Variants in PLPP3 observed in about 807,000 individuals in gnomAD.
PLPP3 encodes PAP2 beta.
A neutral mutation model predicts 29.6 loss-of-function variants in PLPP3; 6 were observed. The observed-to-expected ratio is 0.20, with a 90% CI of 0.11 to 0.40. The LOEUF is 0.40. Ranked by LOEUF, PLPP3 falls within the 10% of genes least tolerant of loss-of-function variation. PLPP3 has a pLI of 1.00. For missense variants in PLPP3, 308 were observed against 407.7 expected, an observed-to-expected ratio of 0.76 and a Z score of 2.11; for synonymous variants, 152 against 159.7, an observed-to-expected ratio of 0.95 and a Z score of 0.36.
At chr1:56,507,552 C>G (rs955987257) in intron 5 of PLPP3, among the ~76,000 whole-genome samples, 1 of 152,050 alleles carries the variant, frequency 6.6e-6, no homozygotes, top group Non-Finnish European at 1.5e-5. Flanking sequence ...AGGCCTAAAG[C>G]CATGGTAGGA....
intron 1 of PLPP3, among the ~76,000 whole-genome samples, chr1:56,571,895 G>GGTCTGCATCCAGGGGTAATTTTCCA (rs1646200866): frequency 6.6e-6 from 1 of 152,068 alleles, no homozygotes; most frequent in Non-Finnish European, 1.5e-5. Context: ...CTGAGCTACA[G>GGTCTGCATCCAGGGGTAATTTTCCA]TTCCCTCTTC....
intron 1 of PLPP3, among the ~76,000 whole-genome samples, chr1:56,539,714 T>C (rs539017040): frequency 6.6e-6 from 1 of 152,276 alleles, no homozygotes; most frequent in South Asian, 2.1e-4. Context: ...AAATGATCTT[T>C]AGGGGTTAGG....
At chr1:56,573,325 T>G (rs1394497263) in intron 1 of PLPP3, among the ~76,000 whole-genome samples, 2 of 152,140 alleles carry the variant, frequency 1.3e-5, no homozygotes, top group African/African-American at 4.8e-5. Flanking sequence ...TAATTTTCCA[T>G]TCGGAAGAAT....
At chr1:56,559,186 G>A (rs964549892) in intron 1 of PLPP3, among the ~76,000 whole-genome samples, 6 of 152,202 alleles carry the variant, frequency 3.9e-5, no homozygotes, top group African/African-American at 1.4e-4. Flanking sequence ...AGAAGAAGGA[G>A]CGGGTGCGTT....
At chr1:56,536,840 C>G in intron 2 of PLPP3, 115 bp downstream of exon 2, 1 of 1,344,182 alleles carries the variant, frequency 7.4e-7, no homozygotes, top group Admixed American at 2.1e-5. Flanking sequence ...TAAATATAGG[C>G]CAGAGAAAGT....
intron 2 of PLPP3, among the ~76,000 whole-genome samples, chr1:56,533,053 C>CT (rs869154825): frequency 0.11 from 15,772 of 145,612 alleles, 888 homozygotes; most frequent in South Asian, 0.17. Context: ...TATTATGTAG[C>CT]TTTTTTTTTT....
intron 4 of PLPP3, among the ~76,000 whole-genome samples, chr1:56,514,058 G>A (rs1569870147): frequency 6.6e-6 from 1 of 151,380 alleles, no homozygotes; most frequent in South Asian, 2.1e-4. Context: ...AAATAAATAC[G>A]TTAAATTAAA....
chr1:56,567,958 C>CA (rs1646172599), intron 1 of PLPP3, among the ~76,000 whole-genome samples: 1 of 151,918 alleles, frequency 6.6e-6, no homozygotes, highest in African/African-American at 2.4e-5. Context: ...TATTATTTGA[C>CA]AATAAAAAGA....
intron 1 of PLPP3, among the ~76,000 whole-genome samples, chr1:56,574,802 T>A (rs1052099927): frequency 1.3e-5 from 2 of 152,200 alleles, no homozygotes; most frequent in East Asian, 3.9e-4. Context: ...AACAATTCAA[T>A]TAATGACAAA....
chr1:56,547,924 C>CT (rs1646016298), intron 1 of PLPP3, among the ~76,000 whole-genome samples: 1 of 152,188 alleles, frequency 6.6e-6, no homozygotes, highest in Non-Finnish European at 1.5e-5. Flanking sequence ...AAAGAGGATG[C>CT]CAATATCCAC....
chr1:56,552,488 A>G (rs889501424), intron 1 of PLPP3, among the ~76,000 whole-genome samples: 1 of 152,200 alleles, frequency 6.6e-6, no homozygotes, highest in Non-Finnish European at 1.5e-5. Flanking sequence ...AGTCAACACA[A>G]TTTTAAACCA....
intron 4 of PLPP3, 75 bp downstream of exon 4, chr1:56,523,748 A>G: frequency 1.3e-6 from 2 of 1,488,616 alleles, no homozygotes; most frequent in Middle Eastern, 3.4e-4. Flanking sequence ...CCCCTAAACT[A>G]TTTTGAGGGC....
intron 5 of PLPP3, 111 bp from the exon 6 acceptor site, chr1:56,496,787 A>G: frequency 8.8e-7 from 1 of 1,135,326 alleles, no homozygotes; most frequent in Non-Finnish European, 1.2e-6. Flanking sequence ...GCCCCAAATC[A>G]TAACTCTTTG....
At chr1:56,559,677 C>T (rs1463329761) in intron 1 of PLPP3, among the ~76,000 whole-genome samples, 1 of 151,862 alleles carries the variant, frequency 6.6e-6, no homozygotes, top group Non-Finnish European at 1.5e-5. Context: ...ATAACCAAAT[C>T]CATTGTGTAA....
At chr1:56,561,704 G>A (rs1646129910) in intron 1 of PLPP3, among the ~76,000 whole-genome samples, 3 of 151,978 alleles carry the variant, frequency 2.0e-5, no homozygotes, top group South Asian at 2.1e-4. Flanking sequence ...TCAGAGAGGA[G>A]GCAGGCAGGA....
Position 56,557,018 on chromosome 1 carries a change from G to GAAA in PLPP3, c.140-19907_140-19906insTTT, listed in dbSNP as rs1273560377. ...AGAAAGAAAGAAAGAAAGAGAGAGA[G>GAAA]AGAGAGAAAGAGAGAGAGAGAGAGA... On this transcript the variant is annotated intron_variant, in intron 1 of 5. Coordinates refer to ENST00000371250, the MANE Select transcript of PLPP3 (RefSeq NM_003713.5). 2.5e-3 allele frequency among the ~76,000 whole-genome samples: 34 copies of GAAA among 13,778 alleles called. 1 individual carries two copies. The highest frequency in any genetic ancestry group is 4.7e-3 in the Admixed American group (4 of 846). The allele number at this position is 13,778 out of a possible 152,430, so 9.0% of individuals were successfully genotyped here.
chr1:56,558,492 C>A (rs1557514191), intron 1 of PLPP3, among the ~76,000 whole-genome samples: 1 of 152,188 alleles, frequency 6.6e-6, no homozygotes, highest in African/African-American at 2.4e-5. Flanking sequence ...ATTTTATAAA[C>A]CCAGGTAGCA....
rs375912953 is a variant in PLPP3, at chr1:56,537,095, T to C, written c.157A>G (p.Ile53Val). 1.2e-6 allele frequency: 2 copies of C among 1,612,706 alleles called. No individual in the cohort carries two copies. The highest frequency in any genetic ancestry group is 1.7e-6 in the Non-Finnish European group (2 of 1,179,648). ...CLFMAGLPFL[I>V]IETSTIKPYH... Reference sequence around the variant, plus strand: ...GGCTTGATGGTGCTTGTCTCGATGATGAGGAAGGGGAGGCCCGCTGGTCCA... The same window carrying C: ...GGCTTGATGGTGCTTGTCTCGATGACGAGGAAGGGGAGGCCCGCTGGTCCA... Residue 53 changes from isoleucine (I) to valine (V), a missense_variant, in exon 2 of 6, where the codon ATC becomes GTC. By Grantham distance (29) the Ile-to-Val change is conservative. Coordinates refer to ENST00000371250, the MANE Select transcript of PLPP3 (RefSeq NM_003713.5).
intron 1 of PLPP3, among the ~76,000 whole-genome samples, chr1:56,557,026 A>AAGAGAG (rs771132203): frequency 0.014 from 137 of 9,474 alleles, 8 homozygotes; most frequent in South Asian, 0.034. Flanking sequence ...GAGAGAGAGA[A>AAGAGAG]AGAGAGAGAG....
Sources: allele counts gnomAD v4.1 joint callset (sites outside exome capture counted in the v4.1 genomes callset), GRCh38; gene constraint gnomAD v4.1.1; transcripts MANE v1.5; gene names NCBI Gene and HGNC (gene_info 2026-07-23, HGNC 2026-07-21).